The following CTR9 variants were observed in gnomAD, a reference collection of about 807,000 sequenced individuals.
CTR9 encodes RNA polymerase-associated protein CTR9 homolog.
CTR9 carries 41 observed loss-of-function variants against 152.1 expected under a neutral mutation model. The observed-to-expected ratio is 0.27, with a 90% CI of 0.21 to 0.35. CTR9 has a LOEUF of 0.35. Ranked by LOEUF, CTR9 falls within the 10% of genes least tolerant of loss-of-function variation. CTR9 has a pLI of 1.00. For missense variants in CTR9, 917 were observed against 1,424.4 expected (o/e 0.64, Z 5.73); for synonymous variants, 476 against 496.2 (o/e 0.96, Z 0.54).
chr11:10,760,811 T>C (rs1419733023), intron 6 of CTR9, among the ~76,000 whole-genome samples: 1 of 152,182 alleles, frequency 6.6e-6, no homozygotes, highest in Non-Finnish European at 1.5e-5. Flanking sequence ...AAACCTATGA[T>C]TTTATATAAT....
At chr11:10,751,916 G>A (rs555101449) in intron 1 of CTR9, among the ~76,000 whole-genome samples, 23 of 152,040 alleles carry the variant, frequency 1.5e-4, no homozygotes, top group Admixed American at 1.3e-3. Context: ...GTCATGGTGC[G>A]CTGTGTTCTC....
intron 19 of CTR9, among the ~76,000 whole-genome samples, chr11:10,772,065 A>T (rs7933831): frequency 0.028 from 4,293 of 151,818 alleles, 76 homozygotes; most frequent in African/African-American, 0.042. Flanking sequence ...AAAAAAAAAA[A>T]TTTTTTTTGG....
At chr11:10,777,284 C>A (rs1400834604) in intron 24 of CTR9, among the ~76,000 whole-genome samples, 1 of 152,016 alleles carries the variant, frequency 6.6e-6, no homozygotes, top group Non-Finnish European at 1.5e-5. Context: ...ATAATCCCAG[C>A]ACTTTGGGAG....
intron 22 of CTR9, among the ~76,000 whole-genome samples, chr11:10,774,528 C>T (rs1186467442): frequency 6.6e-6 from 1 of 152,254 alleles, no homozygotes; most frequent in South Asian, 2.1e-4. Flanking sequence ...AGTTTCCTCT[C>T]TGTCGTTGGT....
chr11:10,778,383 GA>G (rs2135388710), intron 24 of CTR9, among the ~76,000 whole-genome samples: 1 of 152,236 alleles, frequency 6.6e-6, no homozygotes, highest in East Asian at 1.9e-4. Context: ...ATGAAATTGG[GA>G]AATGCTTCAT....
At chr11:10,759,030 T>G (rs932589701) in intron 5 of CTR9, among the ~76,000 whole-genome samples, 1 of 152,224 alleles carries the variant, frequency 6.6e-6, no homozygotes, top group African/African-American at 2.4e-5. Context: ...CAAATCCCGT[T>G]ATTTAAAATT....
chr11:10,778,617 T>C, intron 24 of CTR9, 62 bp from the exon 25 acceptor site: 1 of 1,488,558 alleles, frequency 6.7e-7, no homozygotes, highest in Non-Finnish European at 9.1e-7. Context: ...GCACATTGTC[T>C]GCTCATCAAG....
At chr11:10,775,079 T>C in intron 22 of CTR9, 128 bp from the exon 23 acceptor site, 1 of 700,660 alleles carries the variant, frequency 1.4e-6, no homozygotes. Flanking sequence ...TTGAGGAGTG[T>C]ACAGTATGAT....
In CTR9 at chr11:10,763,839, A is replaced by T. The variant is rs202173615; in HGVS notation, c.1154A>T (p.Tyr385Phe). The change falls in exon 9 of 25, where the codon TAT (tyrosine) becomes TTT (phenylalanine). Residue 385 changes from tyrosine (Y) to phenylalanine (F), a missense_variant. Around this residue, in one of 9 missense-constraint regions of CTR9, gnomAD observed 133 missense variants for 244.1 expected, o/e 0.54. Transcript: ENST00000361367. Reference protein sequence around the residue: ...YETMKILGSLYAASEDQEKRD... With the variant: ...YETMKILGSLFAASEDQEKRD... ...ACTATGAAAATTCTCGGCTCTCTCT[A>T]TGCTGCCTCAGAAGATCAAGAAAAA... 1 of 1,612,990 alleles carries T rather than the reference A, an allele frequency of 6.2e-7. No homozygotes were observed. Among genetic ancestry groups the T allele is most frequent in the Non-Finnish European group, 8.5e-7 (1 of 1,179,772 alleles).
In CTR9 at chr11:10,778,834, A is replaced by G. The variant is rs1235232610; in HGVS notation, c.3251A>G (p.Asp1084Gly). Residue 1084 changes from aspartate to glycine, a missense_variant, in exon 25 of 25, where the codon GAC becomes GGC. Coordinates refer to ENST00000361367, the MANE Select transcript of CTR9 (RefSeq NM_014633.5). ...RRPRRQRSDQ[D>G]SDSDQPSRKR... ...CCACGAAGACAGCGGTCAGATCAGGACTCAGACAGTGACCAGCCATCCAGA... is the reference window on the plus strand; with the variant it reads ...CCACGAAGACAGCGGTCAGATCAGGGCTCAGACAGTGACCAGCCATCCAGA... 6.2e-7 allele frequency: 1 copy of G among 1,614,204 alleles called. No homozygotes were observed. Among genetic ancestry groups the G allele is most frequent in the South Asian group, 1.1e-5 (1 of 91,086 alleles).
intron 21 of CTR9, among the ~76,000 whole-genome samples, chr11:10,773,582 G>A (rs1316797117): frequency 6.6e-6 from 1 of 152,056 alleles, no homozygotes; most frequent in South Asian, 2.1e-4. Context: ...CTTCCACGTG[G>A]CTTAGTAAAA....
chr11:10,771,389 C>T (rs549682573), intron 18 of CTR9, among the ~76,000 whole-genome samples, 156 bp from the exon 19 acceptor site: 16 of 152,240 alleles, frequency 1.1e-4, no homozygotes, highest in Non-Finnish European at 1.9e-4. Context: ...TCTTGATGAA[C>T]GTGTCTATTA....
chr11:10,760,594 CAA>C (rs147350120), intron 6 of CTR9, among the ~76,000 whole-genome samples: 1 of 130,800 alleles, frequency 7.6e-6, no homozygotes. Flanking sequence ...CCAAGATTAC[CAA>C]AAAAAAAAAA....
chr11:10,754,132 C>G (rs770300372), intron 2 of CTR9, among the ~76,000 whole-genome samples: 1 of 152,152 alleles, frequency 6.6e-6, no homozygotes, highest in Non-Finnish European at 1.5e-5. Flanking sequence ...TACAGCATCC[C>G]AAGTAGTAGA....
intron 1 of CTR9, 23 bp downstream of exon 1, chr11:10,751,480 G>T (rs1239220499): frequency 6.2e-7 from 1 of 1,612,054 alleles, no homozygotes. Context: ...TATGGAGGCG[G>T]GTGGGGGCCA....
chr11:10,775,081 C>T (rs1435249616), intron 22 of CTR9, 126 bp from the exon 23 acceptor site: 6 of 707,124 alleles, frequency 8.5e-6, no homozygotes, highest in African/African-American at 3.6e-5. Context: ...GAGGAGTGTA[C>T]AGTATGATTG....
intron 24 of CTR9, among the ~76,000 whole-genome samples, chr11:10,776,322 C>G (rs1487961317): frequency 6.6e-6 from 1 of 152,114 alleles, no homozygotes; most frequent in Non-Finnish European, 1.5e-5. Context: ...TTTTCTCCCC[C>G]GTTGTGCGGT....
At chr11:10,778,578 A>G in intron 24 of CTR9, 101 bp from the exon 25 acceptor site, 1 of 1,077,880 alleles carries the variant, frequency 9.3e-7, no homozygotes, top group Middle Eastern at 2.1e-4. Flanking sequence ...GTCAAGAAAT[A>G]GAATATTAAA....
chr11:10,772,410 C>A (rs984985498), intron 19 of CTR9, 110 bp from the exon 20 acceptor site: 10 of 886,706 alleles, frequency 1.1e-5, no homozygotes, highest in Non-Finnish European at 1.5e-5. Flanking sequence ...TCACATAGAT[C>A]AGCTAATGGT....
Sources: allele counts gnomAD v4.1 joint callset (sites outside exome capture counted in the v4.1 genomes callset), GRCh38; gene constraint gnomAD v4.1.1; regional missense constraint gnomAD v4.1.1; transcripts MANE v1.5; gene names NCBI Gene and HGNC (gene_info 2026-07-23, HGNC 2026-07-21).